PRR5L: variants seen among roughly 807,000 people sequenced by gnomAD.
PRR5L encodes the protein proline rich 5 like, also known as proline-rich protein 5-like.
PRR5L carries 21 observed loss-of-function variants against 36.4 expected under a neutral mutation model. That is an observed-to-expected ratio of 0.58 (90% confidence interval 0.41 to 0.83). The LOEUF (loss-of-function observed/expected upper bound fraction) is 0.83. PRR5L is among the 40% of genes least tolerant of loss of function. The probability of loss-of-function intolerance (pLI) is 0.00; values close to 1 mark genes in which losing one functional copy is unlikely to be tolerated. For missense variants in PRR5L, 381 were observed against 473.3 expected (o/e 0.80, Z 1.81); for synonymous variants, 188 against 197.0 (o/e 0.95, Z 0.38).
chr11:36,350,535 T>A (rs1467469523), intron 1 of PRR5L, among the ~76,000 whole-genome samples: 4 of 152,076 alleles, frequency 2.6e-5, no homozygotes, highest in Non-Finnish European at 1.5e-5. Flanking sequence ...TTTATTTATT[T>A]TTTCTTTTTT....
At chr11:36,346,038 C>T (rs1002997573) in intron 1 of PRR5L, among the ~76,000 whole-genome samples, 2 of 152,280 alleles carry the variant, frequency 1.3e-5, no homozygotes, top group South Asian at 2.1e-4. Flanking sequence ...TCATTATACT[C>T]AGTTTCTTTT....
At chr11:36,367,558 A>G (rs563346205) in intron 1 of PRR5L, among the ~76,000 whole-genome samples, 5 of 152,274 alleles carry the variant, frequency 3.3e-5, no homozygotes, top group African/African-American at 1.2e-4. Context: ...CTTTTTCCCC[A>G]CAAGGAAACA....
Position 36,328,159 on chromosome 11 carries a change from G to T in PRR5L, c.-126+31721G>T, listed in dbSNP as rs112881363. ...CTTTAAAAAGCAGTTAGAATTTGGG[G>T]TCTTATACTATCACAATAGGGGAAA... On this transcript the variant is annotated intron_variant, in intron 1 of 8. Transcript: ENST00000530639. Among the ~76,000 whole-genome samples, 566 of 152,262 alleles carry T rather than the reference G, an allele frequency of 3.7e-3. 6 individuals are homozygous for T. The highest frequency in any genetic ancestry group is 0.013 in the African/African-American group (541 of 41,530).
At chr11:36,375,376 C>T (rs547547622) in intron 1 of PRR5L, among the ~76,000 whole-genome samples, 106 of 152,130 alleles carry the variant, frequency 7.0e-4, no homozygotes, top group African/African-American at 2.5e-3. Context: ...TACCTAATAT[C>T]GCAGGACAAA....
rs985728735 is a variant in PRR5L at position 36,419,455 on chromosome 11, C to T, written c.294+152C>T. 4.1e-5 allele frequency: 29 copies of T among 712,196 alleles called. No individual in the cohort carries two copies. The African/African-American group carries it at 4.7e-4, about 11-fold the overall frequency. The allele number at this position is 712,196 out of a possible 1,614,324, so 44.1% of individuals were successfully genotyped here. A position where few individuals can be genotyped will look rare whatever the true frequency, so the allele number is the denominator to read the frequency against. On this transcript the variant is annotated intron_variant, in intron 4 of 8. Coordinates refer to ENST00000530639, the MANE Select transcript of PRR5L (RefSeq NM_001160167.2). ...CTGTGTGCTGCACGTTGCAGAGGGG[C>T]ACCACTCCTGTGTCTCCCAGCAGTT...
At chr11:36,313,110 T>A (rs1248620568) in intron 1 of PRR5L, among the ~76,000 whole-genome samples, 3 of 152,242 alleles carry the variant, frequency 2.0e-5, no homozygotes, top group South Asian at 2.1e-4. Flanking sequence ...AATGGCTTAA[T>A]GCCATTGTAA....
At chr11:36,365,336 G>A (rs773226656) in intron 1 of PRR5L, among the ~76,000 whole-genome samples, 5 of 152,084 alleles carry the variant, frequency 3.3e-5, no homozygotes, top group Non-Finnish European at 7.4e-5. Context: ...AGTCTACTGA[G>A]TAGACTCAAT....
At chr11:36,311,525 T>A (rs1406193414) in intron 1 of PRR5L, among the ~76,000 whole-genome samples, 2 of 152,184 alleles carry the variant, frequency 1.3e-5, no homozygotes, top group Non-Finnish European at 2.9e-5. Flanking sequence ...ATAAAAAAAT[T>A]GGAGAGGTTT....
chr11:36,408,588 G>T (rs919405173), intron 3 of PRR5L, among the ~76,000 whole-genome samples: 2 of 152,110 alleles, frequency 1.3e-5, no homozygotes, highest in African/African-American at 2.4e-5. Context: ...TCTCAATGGG[G>T]TGTTAGTGCG....
At chr11:36,321,869 C>T (rs796612193) in intron 1 of PRR5L, among the ~76,000 whole-genome samples, 1 of 152,338 alleles carries the variant, frequency 6.6e-6, no homozygotes, top group African/African-American at 2.4e-5. Flanking sequence ...CCTGTGTCTT[C>T]ACGGGGCCTT....
chr11:36,428,492 C>T (rs981401400), intron 4 of PRR5L, among the ~76,000 whole-genome samples: 2 of 152,080 alleles, frequency 1.3e-5, no homozygotes, highest in Non-Finnish European at 2.9e-5. Flanking sequence ...AGCTGTGGCT[C>T]GGTTGTTGGA....
intron 1 of PRR5L, among the ~76,000 whole-genome samples, chr11:36,312,120 C>T (rs890392696): frequency 6.6e-6 from 1 of 152,002 alleles, no homozygotes. Context: ...TAGGTGGGAG[C>T]GTGGGTGGCA....
rs1386385193 is a variant in PRR5L, at chr11:36,351,674, CTTATATAT to C, written c.-125-49294_-125-49287del. On this transcript the variant is annotated intron_variant, in intron 1 of 8. Coordinates refer to ENST00000530639, the MANE Select transcript of PRR5L (RefSeq NM_001160167.2). Reference sequence around the variant, plus strand: ...ATTTATATAAATATATATTTATATACTTATATATTTATATATTTATATATTTATATATT... The same window carrying C: ...ATTTATATAAATATATATTTATATACTTATATATTTATATATTTATATATT... Among the ~76,000 whole-genome samples the C allele has an allele frequency of 2.6e-4, 6 of 23,016 alleles. 3 individuals are homozygous for C. In the South Asian group the frequency reaches 0.014, roughly 54 times the overall value. The allele number at this position is 23,016 out of a possible 152,430, so 15.1% of individuals were successfully genotyped here.
Position 36,352,628 on chromosome 11 carries a change from C to T in PRR5L, c.-125-48369C>T, listed in dbSNP as rs1266054858. Among the ~76,000 whole-genome samples the T allele has an allele frequency of 2.0e-5, 3 of 151,528 alleles. No homozygotes were observed. The East Asian group carries it at 5.8e-4, about 29-fold the overall frequency. ...GGACCAGTAATTAGATCTCTGGATC[C>T]TCAGTATGGATCCCCAATTTTCCCC... On this transcript the variant is annotated intron_variant, in intron 1 of 8. Transcript: ENST00000530639.
In PRR5L at chr11:36,377,792, C is replaced by T. The variant is rs994839488; in HGVS notation, c.-125-23205C>T. 1 of 152,244 alleles carries T rather than the reference C, an allele frequency of 6.6e-6. No homozygotes were observed. The highest frequency in any genetic ancestry group is 2.4e-5 in the African/African-American group (1 of 41,460). The allele number at this position is 152,244 out of a possible 1,614,324, so 9.4% of individuals were successfully genotyped here. ...GTTTCAATTACTGCGATGCGCCCCA[C>T]AAGACGAAAGGTTCACGCGCTGCGT... is the stretch of plus-strand genomic sequence containing the variant. On this transcript the variant is annotated intron_variant, in intron 1 of 8. Transcript: ENST00000530639. This position sits in a 1 kb window ranked among gnomAD's most constrained non-coding sequence, Gnocchi z 5.1.
chr11:36,411,567 T>C (rs1481366333), intron 3 of PRR5L, among the ~76,000 whole-genome samples: 1 of 152,136 alleles, frequency 6.6e-6, no homozygotes, highest in Non-Finnish European at 1.5e-5. Flanking sequence ...TACCCTCAGC[T>C]CCCGGCTTCC....
At chr11:36,421,305 C>A (rs926845092) in intron 4 of PRR5L, among the ~76,000 whole-genome samples, 4 of 152,154 alleles carry the variant, frequency 2.6e-5, no homozygotes, top group Non-Finnish European at 4.4e-5. Context: ...ACTTGTTTAT[C>A]TGGGAAGCCT....
At chr11:36,436,187 G>A (rs1294005502) in intron 5 of PRR5L, among the ~76,000 whole-genome samples, 1 of 152,164 alleles carries the variant, frequency 6.6e-6, no homozygotes, top group Non-Finnish European at 1.5e-5. Context: ...GACGGGAGGC[G>A]CCAAATGAAT....
intron 1 of PRR5L, among the ~76,000 whole-genome samples, chr11:36,359,465 T>G (rs1435896247): frequency 6.6e-6 from 1 of 152,230 alleles, no homozygotes; most frequent in Non-Finnish European, 1.5e-5. Context: ...AATTTTAATT[T>G]TTTTACATAT....
Sources: allele counts gnomAD v4.1 joint callset (sites outside exome capture counted in the v4.1 genomes callset), GRCh38; gene constraint gnomAD v4.1.1; non-coding constraint Gnocchi (gnomAD v3.1); transcripts MANE v1.5; gene names NCBI Gene and HGNC (gene_info 2026-07-23, HGNC 2026-07-21).